AK4: variants seen among roughly 807,000 people sequenced by gnomAD.
AK4 encodes the protein adenylate kinase 4, also known as adenylate kinase 4, mitochondrial.
Under a neutral mutation model 24.6 loss-of-function variants are expected in AK4, and 13 were observed. The observed-to-expected ratio is 0.53, with a 90% CI of 0.34 to 0.84. The LOEUF (loss-of-function observed/expected upper bound fraction) is 0.84. AK4 is among the 40% of genes least tolerant of loss of function. AK4 has a pLI of 0.01. For missense variants in AK4, 192 were observed against 288.2 expected (o/e 0.67, Z 2.42); for synonymous variants, 88 against 107.0 (o/e 0.82, Z 1.10).
chr1:65,165,054 C>T (rs575536332), intron 1 of AK4, among the ~76,000 whole-genome samples: 32 of 152,248 alleles, frequency 2.1e-4, no homozygotes, highest in African/African-American at 7.0e-4. Flanking sequence ...ATGGTCTCTA[C>T]CTTCAACAAT....
At chr1:65,210,718 C>T (rs1232347011) in intron 2 of AK4, among the ~76,000 whole-genome samples, 1 of 152,156 alleles carries the variant, frequency 6.6e-6, no homozygotes, top group Non-Finnish European at 1.5e-5. Context: ...CTCAAACCTG[C>T]TGTTTGTCTT....
In AK4 at chr1:65,172,063, GTATATATATATATATA is replaced by G. The variant is rs3051712; in HGVS notation, c.146-18621_146-18606del. Among the ~76,000 whole-genome samples, 550 of 65,766 alleles carry G rather than the reference GTATATATATATATATA, an allele frequency of 8.4e-3. 18 individuals are homozygous for G. The highest frequency in any genetic ancestry group is 0.028 in the Middle Eastern group (3 of 108). 43.1% of individuals were successfully genotyped at this position (65,766 alleles called of 152,430 possible). ...GCAACAGAGAGAGACTCCATCTCAA[GTATATATATATATATA>G]TATATATATATATATATATATATAT... is the stretch of plus-strand genomic sequence containing the variant. On this transcript the variant is annotated intron_variant, in intron 1 of 4. Coordinates refer to ENST00000327299, the MANE Select transcript of AK4 (RefSeq NM_013410.4).
At chr1:65,182,195 A>G (rs1221335119) in intron 1 of AK4, among the ~76,000 whole-genome samples, 3 of 152,158 alleles carry the variant, frequency 2.0e-5, no homozygotes, top group African/African-American at 4.8e-5. Context: ...TGTTGGGATT[A>G]CTGGTGTGAG....
At chr1:65,218,049 A>G (rs917681098) in intron 2 of AK4, among the ~76,000 whole-genome samples, 1 of 152,142 alleles carries the variant, frequency 6.6e-6, no homozygotes, top group African/African-American at 2.4e-5. Context: ...CTGAAAATCA[A>G]CTCTGAGCAC....
intron 2 of AK4, among the ~76,000 whole-genome samples, chr1:65,217,892 A>G (rs1224712105): frequency 1.3e-5 from 2 of 152,242 alleles, no homozygotes; most frequent in Non-Finnish European, 2.9e-5. Context: ...TTATCGCGGT[A>G]TACTTGACAA....
intron 2 of AK4, among the ~76,000 whole-genome samples, chr1:65,206,284 A>AT (rs755621777): frequency 3.3e-5 from 5 of 152,218 alleles, no homozygotes; most frequent in Admixed American, 6.5e-5. Context: ...CAGACAGGTC[A>AT]TGCCTGCAAT....
At chr1:65,184,591 T>A (rs1295539136) in intron 1 of AK4, among the ~76,000 whole-genome samples, 1 of 152,226 alleles carries the variant, frequency 6.6e-6, no homozygotes, top group Non-Finnish European at 1.5e-5. Flanking sequence ...GGACCATGTA[T>A]GTGTGTCCAC....
rs1178347681 is a variant in AK4 at position 65,232,096 on chromosome 1, A to G, written c.*5919A>G. The G allele has an allele frequency of 1.3e-5, 2 of 152,124 alleles. No homozygotes were observed. The highest frequency in any genetic ancestry group is 2.9e-5 in the Non-Finnish European group (2 of 68,022). The allele number at this position is 152,124 out of a possible 1,614,324, so 9.4% of individuals were successfully genotyped here. On this transcript the variant is annotated 3_prime_UTR_variant, in exon 5 of 5. Transcript: ENST00000327299. ...TTGATTATCTTGCTTGAAGGTTCATACTTTTCAATTTGATAGAAATAAAGT... is the reference window on the plus strand; with the variant it reads ...TTGATTATCTTGCTTGAAGGTTCATGCTTTTCAATTTGATAGAAATAAAGT...
At chr1:65,208,659 C>T (rs577401993) in intron 2 of AK4, among the ~76,000 whole-genome samples, 8 of 152,308 alleles carry the variant, frequency 5.3e-5, no homozygotes, top group South Asian at 2.1e-4. Context: ...CAAACCCAGG[C>T]GGATGTTGGA....
chr1:65,218,057 C>T (rs990298994), intron 2 of AK4, among the ~76,000 whole-genome samples: 7 of 152,116 alleles, frequency 4.6e-5, no homozygotes, highest in African/African-American at 1.7e-4. Flanking sequence ...CAACTCTGAG[C>T]ACATTTCAAG....
chr1:65,208,779 C>T (rs923508727), intron 2 of AK4, among the ~76,000 whole-genome samples: 1 of 152,138 alleles, frequency 6.6e-6, no homozygotes, highest in Non-Finnish European at 1.5e-5. Context: ...AGAGTGAATG[C>T]GCTCCAAATT....
intron 2 of AK4, among the ~76,000 whole-genome samples, chr1:65,210,771 G>A (rs977695905): frequency 2.2e-4 from 34 of 151,494 alleles, no homozygotes; most frequent in African/African-American, 6.6e-4. Flanking sequence ...TCCCAGTACC[G>A]TCCGCCCCCT....
chr1:65,153,459 T>A (rs1292221434), intron 1 of AK4, among the ~76,000 whole-genome samples: 1 of 152,012 alleles, frequency 6.6e-6, no homozygotes, highest in African/African-American at 2.4e-5. Flanking sequence ...TTGGTAGAGT[T>A]AGGGTTTCTA....
intron 2 of AK4, among the ~76,000 whole-genome samples, chr1:65,203,029 C>T (rs572045814): frequency 3.3e-4 from 50 of 152,054 alleles, no homozygotes; most frequent in African/African-American, 6.5e-4. Context: ...CAGGCCACTA[C>T]GCCTGGCCAA....
chr1:65,177,087 A>C (rs747326960), intron 1 of AK4, among the ~76,000 whole-genome samples: 2 of 152,170 alleles, frequency 1.3e-5, no homozygotes, highest in African/African-American at 4.8e-5. Context: ...TGTGCAGATC[A>C]CAGATTTGAG....
chr1:65,192,470 A>G (rs1651336566), intron 2 of AK4, among the ~76,000 whole-genome samples: 1 of 152,168 alleles, frequency 6.6e-6, no homozygotes, highest in African/African-American at 2.4e-5. Flanking sequence ...AAATTTCAAC[A>G]TGAGTTTTGG....
intron 2 of AK4, among the ~76,000 whole-genome samples, chr1:65,207,429 C>T (rs1383404722): frequency 1.3e-5 from 2 of 152,084 alleles, no homozygotes; most frequent in African/African-American, 4.8e-5. Flanking sequence ...AACTAGTGTC[C>T]CAGGAAGCTG....
intron 1 of AK4, among the ~76,000 whole-genome samples, chr1:65,155,684 G>A (rs1470726325): frequency 6.7e-6 from 1 of 150,358 alleles, no homozygotes; most frequent in East Asian, 2.0e-4. Flanking sequence ...TTTAGATGGA[G>A]TCTAGCCTTG....
At chr1:65,164,780 C>T (rs1282836579) in intron 1 of AK4, among the ~76,000 whole-genome samples, 2 of 152,142 alleles carry the variant, frequency 1.3e-5, no homozygotes, top group Non-Finnish European at 1.5e-5. Context: ...TCTTTTGTTG[C>T]TTATGCTTTT....
Sources: allele counts gnomAD v4.1 joint callset (sites outside exome capture counted in the v4.1 genomes callset), GRCh38; gene constraint gnomAD v4.1.1; transcripts MANE v1.5; gene names NCBI Gene and HGNC (gene_info 2026-07-23, HGNC 2026-07-21).